The following NLRC5 variants were observed in gnomAD, a reference collection of about 807,000 sequenced individuals.
The protein encoded by NLRC5 is protein NLRC5.
A neutral mutation model predicts 206.9 loss-of-function variants in NLRC5; 114 were observed. The observed-to-expected ratio is 0.55, with a 90% CI of 0.47 to 0.64. The LOEUF is 0.64. Ranked by LOEUF, NLRC5 falls within the 30% of genes least tolerant of loss-of-function variation. The pLI is 0.00. For synonymous variants in NLRC5, 952 were observed against 962.8 expected, an observed-to-expected ratio of 0.99 and a Z score of 0.21; for missense variants, 2,008 against 2,305.5, an observed-to-expected ratio of 0.87 and a Z score of 2.64.
chr16:57,003,301 C>A (rs1286133753), intron 1 of NLRC5, among the ~76,000 whole-genome samples: 3 of 152,126 alleles, frequency 2.0e-5, no homozygotes, highest in Non-Finnish European at 4.4e-5. Context: ...CTGCCTGCCT[C>A]AGCCTTCCAA....
In NLRC5 at chr16:57,025,476, C is replaced by T. The variant is rs762600512; in HGVS notation, c.533C>T (p.Pro178Leu). 6.2e-7 allele frequency: 1 copy of T among 1,612,954 alleles called. No homozygotes were observed. The highest frequency in any genetic ancestry group is 8.5e-7 in the Non-Finnish European group (1 of 1,179,382). ...QPHAFHQVYV[P>L]PILRRATASL... ...CACGCCTTCCACCAGGTCTATGTCC[C>T]TCCAATCCTGCGCCGGGCCACAGCA... The change falls in exon 6 of 49, where the codon CCT becomes CTT. Residue 178 changes from proline to leucine, a missense_variant. Pro to Leu is a moderately conservative substitution (Grantham distance 98). Transcript: ENST00000688547.
At chr16:57,022,359 G>C in intron 4 of NLRC5, 44 bp downstream of exon 4, 1 of 1,551,578 alleles carries the variant, frequency 6.4e-7, no homozygotes, top group Non-Finnish European at 8.9e-7. Flanking sequence ...GGTGAGCACT[G>C]TGAAGTCCCC....
intron 1 of NLRC5, among the ~76,000 whole-genome samples, chr16:57,006,993 T>G (rs1351661242): frequency 1.3e-5 from 2 of 151,970 alleles, no homozygotes; most frequent in Non-Finnish European, 2.9e-5. Flanking sequence ...CATCTTGTAT[T>G]TCTCTTCCTT....
At chr16:57,081,797 T>G (rs1267903768) in intron 48 of NLRC5, among the ~76,000 whole-genome samples, 187 bp downstream of exon 48, 1 of 152,232 alleles carries the variant, frequency 6.6e-6, no homozygotes, top group Non-Finnish European at 1.5e-5. Flanking sequence ...ACTTGCCAAC[T>G]GTGTAACTTT....
Position 57,037,355 on chromosome 16 carries a change from C to A in NLRC5, c.2801+71C>A. 4 of 1,423,200 alleles carry A rather than the reference C, an allele frequency of 2.8e-6. No homozygotes were observed. In the Admixed American group the frequency reaches 6.8e-5, roughly 24 times the overall value. The allele number at this position is 1,423,200 out of a possible 1,614,324, so 88.2% of individuals were successfully genotyped here. A position where few individuals can be genotyped will look rare whatever the true frequency, so the allele number is the denominator to read the frequency against. ...GCTCTCTCTGAAGCCCTTGGAATTCCTTCTGGGCCCAGGCCTTGGGACGGG... is the reference window on the plus strand; with the variant it reads ...GCTCTCTCTGAAGCCCTTGGAATTCATTCTGGGCCCAGGCCTTGGGACGGG... On this transcript the variant is annotated intron_variant, in intron 15 of 48. Coordinates refer to ENST00000688547, the MANE Select transcript of NLRC5 (RefSeq NM_001384950.1).
At chr16:57,059,426 A>G in intron 29 of NLRC5, 41 bp from the exon 30 acceptor site, 1 of 1,576,386 alleles carries the variant, frequency 6.3e-7, no homozygotes, top group South Asian at 1.2e-5. Context: ...GGAAGCTGGC[A>G]TGTCTGGGCA....
intron 1 of NLRC5, among the ~76,000 whole-genome samples, chr16:57,014,535 G>T (rs1269129040): frequency 6.6e-6 from 1 of 152,148 alleles, no homozygotes; most frequent in Non-Finnish European, 1.5e-5. Context: ...AATATTTAAG[G>T]CATATAAATA....
At position 57,013,521 on chromosome 16, in the gene NLRC5, T is replaced by G. The variant is rs1273205319; in HGVS notation, c.-127-3553T>G. ...ATTCCATTGGCTGCTTGTGCTTTCA[T>G]CATTACAGTACAATTAACTTCAGAA... is the stretch of plus-strand genomic sequence containing the variant. On this transcript the variant is annotated intron_variant, in intron 1 of 48. Coordinates refer to ENST00000688547, the MANE Select transcript of NLRC5 (RefSeq NM_001384950.1). 3.7e-6 allele frequency: 3 copies of G among 820,056 alleles called. No homozygotes were observed. The African/African-American group carries it at 5.0e-5, about 14-fold the overall frequency. The allele number at this position is 820,056 out of a possible 1,614,324, so 50.8% of individuals were successfully genotyped here.
chr16:57,027,683 C>A (rs1427735014), intron 6 of NLRC5, among the ~76,000 whole-genome samples: 1 of 152,186 alleles, frequency 6.6e-6, no homozygotes, highest in Non-Finnish European at 1.5e-5. Flanking sequence ...TCTGCACAGT[C>A]AAAGCTACGT....
At position 57,039,781 on chromosome 16, in the gene NLRC5, C is replaced by T. The variant is rs572455051; in HGVS notation, c.2802C>T (p.Ser934=). Residue 934 remains serine (S), a splice_region_variant and synonymous_variant, in exon 16 of 49, where the codon AGC becomes AGT. Transcript: ENST00000688547. ...ACWTLAELHI[S]LQHKTVIFMF... ...CCTCACCCCTCTTTTGTCTTCACAGCCTGCAGCACAAAACTGTGATCTTCA... is the reference window on the plus strand; with the variant it reads ...CCTCACCCCTCTTTTGTCTTCACAGTCTGCAGCACAAAACTGTGATCTTCA... 7 of 1,614,074 alleles carry T rather than the reference C, an allele frequency of 4.3e-6. No homozygotes were observed. In the South Asian group the frequency reaches 5.5e-5, roughly 13 times the overall value.
rs1322045778 is a variant in NLRC5 at position 57,059,447 on chromosome 16, C to T, written c.3921-20C>T. 6.9e-6 allele frequency: 11 copies of T among 1,598,360 alleles called. No individual in the cohort carries two copies. The highest frequency in any genetic ancestry group is 1.3e-5 in the African/African-American group (1 of 74,730). On this transcript the variant is annotated intron_variant, in intron 29 of 48. Coordinates refer to ENST00000688547, the MANE Select transcript of NLRC5 (RefSeq NM_001384950.1). ...TGGCATGTCTGGGCACCGTGCTTCC[C>T]CAGGCCCTTCTCTCTGCAGCCTGGG...
chr16:57,004,173 G>T (rs1043943167), intron 1 of NLRC5: 2 of 152,540 alleles, frequency 1.3e-5, no homozygotes, highest in African/African-American at 2.4e-5. Context: ...AGAATGCCGG[G>T]GGGTGGTGAG....
In NLRC5 at chr16:57,062,684, C is replaced by A. The variant is rs1050601244; in HGVS notation, c.4154+983C>A. The A allele has an allele frequency of 4.6e-5, 7 of 153,262 alleles. 1 individual carries two copies. In the East Asian group the frequency reaches 1.2e-3, roughly 25 times the overall value. 9.5% of individuals were successfully genotyped at this position (153,262 alleles called of 1,614,324 possible). A position where few individuals can be genotyped will look rare whatever the true frequency, so the allele number is the denominator to read the frequency against. On this transcript the variant is annotated intron_variant, in intron 32 of 48. Transcript: ENST00000688547. The stretch of plus-strand genomic sequence containing the variant: ...AACTTACGTCACCGACAGAGCTGTG[C>A]ACTTCTCATTGCAGCCTGTGACAAG...
chr16:57,075,113 G>A (rs1293129803), intron 39 of NLRC5, among the ~76,000 whole-genome samples: 2 of 134,542 alleles, frequency 1.5e-5, no homozygotes, highest in Admixed American at 1.7e-4. Flanking sequence ...CAATCGTGTT[G>A]CACTGCAGCC....
At chr16:57,023,926 C>T (rs2060968319) in intron 5 of NLRC5, 73 bp downstream of exon 5, 1 of 1,369,814 alleles carries the variant, frequency 7.3e-7, no homozygotes, top group African/African-American at 1.4e-5. Flanking sequence ...GGACCCTGGA[C>T]CTTGTCCCCT....
Position 56,989,627 on chromosome 16 carries a change from G to C in NLRC5, c.-128+10G>C, listed in dbSNP as rs1444993755. 1.3e-5 allele frequency: 2 copies of C among 153,264 alleles called. No individual in the cohort carries two copies. Among genetic ancestry groups the C allele is most frequent in the Non-Finnish European group, 2.9e-5 (2 of 68,900 alleles). The allele number at this position is 153,264 out of a possible 1,614,324, so 9.5% of individuals were successfully genotyped here. A position where few individuals can be genotyped will look rare whatever the true frequency, so the allele number is the denominator to read the frequency against. ...GCCGGGAGCTCTGAGGGTGAGTGCC[G>C]GGCGTGCCGCGGGGCTGCGGGACCC... On this transcript the variant is annotated intron_variant, in intron 1 of 48. Transcript: ENST00000688547.
intron 20 of NLRC5, among the ~76,000 whole-genome samples, chr16:57,044,304 C>CA (rs11399774): frequency 0.41 from 58,095 of 143,330 alleles, 11,646 homozygotes; most frequent in African/African-American, 0.47. Flanking sequence ...GACTCCATCT[C>CA]AAAAAAAAAA....
chr16:57,025,661 C>T lies in NLRC5; in HGVS notation c.718C>T (p.Arg240Trp), dbSNP rs758446922. The T allele has an allele frequency of 8.7e-6, 14 of 1,614,008 alleles. No individual in the cohort carries two copies. The highest frequency in any genetic ancestry group is 4.0e-5 in the African/African-American group (3 of 74,910). ...CATGGGCAAGACCACGCTGGCCCACCGGCTCTGCCAGAAGTGGGCAGAGGG... is the reference window on the plus strand; with the variant it reads ...CATGGGCAAGACCACGCTGGCCCACTGGCTCTGCCAGAAGTGGGCAGAGGG... ...AGMGKTTLAH[R>W]LCQKWAEGHL... The change falls in exon 6 of 49, where the codon CGG becomes TGG. Residue 240 changes from arginine (R) to tryptophan (W), a missense_variant. Coordinates refer to ENST00000688547, the MANE Select transcript of NLRC5 (RefSeq NM_001384950.1).
At chr16:57,022,057 T>C (rs760276174) in intron 3 of NLRC5, among the ~76,000 whole-genome samples, 199 bp from the exon 4 acceptor site, 1 of 152,226 alleles carries the variant, frequency 6.6e-6, no homozygotes, top group Admixed American at 6.5e-5. Context: ...CACTTGCATA[T>C]ACACACATTT....
Sources: allele counts gnomAD v4.1 joint callset (sites outside exome capture counted in the v4.1 genomes callset), GRCh38; gene constraint gnomAD v4.1.1; transcripts MANE v1.5; gene names NCBI Gene and HGNC (gene_info 2026-07-23, HGNC 2026-07-21).